The following SEC14L1 variants were observed in gnomAD, a reference collection of about 807,000 sequenced individuals.
SEC14L1 encodes SEC14-like protein 1.
In SEC14L1, 48 loss-of-function variants were observed where a neutral mutation model predicts 85.3. That is an observed-to-expected ratio of 0.56 (90% CI 0.45 to 0.72). The LOEUF is 0.72. SEC14L1 is among the 30% of genes least tolerant of loss of function. SEC14L1 has a pLI of 0.00. For missense variants in SEC14L1, 682 were observed against 921.4 expected (o/e 0.74, Z 3.36); for synonymous variants, 391 against 355.5 (o/e 1.10, Z -1.12).
chr17:77,111,100 G>T (rs1972034492), intron 3 of SEC14L1, among the ~76,000 whole-genome samples: 1 of 151,072 alleles, frequency 6.6e-6, no homozygotes, highest in Non-Finnish European at 1.5e-5. Context: ...AGCTGAGGCA[G>T]AAGGATCGCT....
At chr17:77,099,516 G>T (rs1187351890) in intron 3 of SEC14L1, among the ~76,000 whole-genome samples, 1 of 152,214 alleles carries the variant, frequency 6.6e-6, no homozygotes, top group Non-Finnish European at 1.5e-5. Context: ...AGCACTTTGG[G>T]AGGCCAAGGC....
chr17:77,142,248 A>C (rs1973088502), intron 1 of SEC14L1, among the ~76,000 whole-genome samples: 1 of 152,104 alleles, frequency 6.6e-6, no homozygotes, highest in Non-Finnish European at 1.5e-5. Context: ...TACCAGAGAA[A>C]GTTCCAAACC....
At chr17:77,174,172 G>A (rs1021460980) in intron 3 of SEC14L1, among the ~76,000 whole-genome samples, 2 of 152,098 alleles carry the variant, frequency 1.3e-5, no homozygotes, top group African/African-American at 4.8e-5. Flanking sequence ...GCCTACCTCA[G>A]CCTCCCAAAG....
chr17:77,212,922 C>G (rs534130513), intron 15 of SEC14L1, among the ~76,000 whole-genome samples: 31 of 152,328 alleles, frequency 2.0e-4, no homozygotes, highest in Non-Finnish European at 3.7e-4. Flanking sequence ...GTGCCTTCAG[C>G]CCCGAACATG....
chr17:77,174,795 C>T (rs1974678016), intron 3 of SEC14L1, among the ~76,000 whole-genome samples: 1 of 152,166 alleles, frequency 6.6e-6, no homozygotes, highest in Non-Finnish European at 1.5e-5. Flanking sequence ...CAAAGGATTT[C>T]TCAGCAAGGC....
At chr17:77,143,423 A>C (rs62078293) in intron 2 of SEC14L1, 144 bp from the exon 3 acceptor site, 8,456 of 553,504 alleles carry the variant, frequency 0.015, 117 homozygotes, top group Non-Finnish European at 0.018. Flanking sequence ...TTTAAATATC[A>C]TCTTTTCATT....
rs1972980189 is a variant in SEC14L1 at position 77,140,975 on chromosome 17, T to TC, written c.-264dup. ...CGCCGCGCCCCTTCCCCCTCCCGCC[T>TC]CCCCGGCCCCCTCCCCGGAACCGGC... On this transcript the variant is annotated 5_prime_UTR_variant, in exon 1 of 17. Transcript: ENST00000436233. 6.2e-5 allele frequency: 2 copies of TC among 32,174 alleles called. No individual in the cohort carries two copies. The highest frequency in any genetic ancestry group is 2.5e-4 in the African/African-American group (2 of 8,062). 2.0% of individuals were successfully genotyped at this position (32,174 alleles called of 1,614,324 possible).
At chr17:77,089,053 T>C (rs781126436) in intron 1 of SEC14L1, 23 of 194,738 alleles carry the variant, frequency 1.2e-4, no homozygotes, top group South Asian at 2.5e-4. Context: ...CAGAAAAGCA[T>C]TGGGGTCCCT....
intron 2 of SEC14L1, among the ~76,000 whole-genome samples, chr17:77,092,106 G>T (rs1045997418): frequency 6.6e-6 from 1 of 152,174 alleles, no homozygotes; most frequent in Non-Finnish European, 1.5e-5. Flanking sequence ...ACTACACCTG[G>T]CCTGTTTATG....
intron 3 of SEC14L1, among the ~76,000 whole-genome samples, chr17:77,187,681 T>C (rs1251669712): frequency 6.6e-6 from 1 of 151,990 alleles, no homozygotes; most frequent in Non-Finnish European, 1.5e-5. Context: ...CCCGGCCTTA[T>C]TCTTATTACC....
chr17:77,115,833 A>G (rs1972159637), intron 3 of SEC14L1, among the ~76,000 whole-genome samples: 4 of 152,086 alleles, frequency 2.6e-5, no homozygotes, highest in Admixed American at 2.6e-4. Context: ...AAGAAGACCT[A>G]TATTTAAAAT....
At chr17:77,133,529 A>G (rs1486302787) in intron 3 of SEC14L1, among the ~76,000 whole-genome samples, 1 of 152,118 alleles carries the variant, frequency 6.6e-6, no homozygotes, top group Non-Finnish European at 1.5e-5. Context: ...ACTCTTGGGA[A>G]TCCTGTGCTT....
At position 77,209,407 on chromosome 17, in the gene SEC14L1, C is replaced by G. The variant is rs140278418; in HGVS notation, c.1542C>G (p.Asn514Lys). ...ACCGGACTGCAGAGGAGCTGGAGAACGAAGACCTGAAGCTCTGGACTGAGA... is the reference window on the plus strand; with the variant it reads ...ACCGGACTGCAGAGGAGCTGGAGAAGGAAGACCTGAAGCTCTGGACTGAGA... Reference protein sequence around the residue: ...SLYRTAEELENEDLKLWTETI... With the variant: ...SLYRTAEELEKEDLKLWTETI... Residue 514 changes from asparagine to lysine, a missense_variant, in exon 14 of 17, where the codon AAC becomes AAG. By Grantham distance (94) the Asn-to-Lys change is moderately conservative. Around this residue, in one of 3 missense-constraint regions of SEC14L1, gnomAD observed 420 missense variants for 619.5 expected, o/e 0.68. Transcript: ENST00000436233. 1 of 1,614,152 alleles carries G rather than the reference C, an allele frequency of 6.2e-7. No individual in the cohort carries two copies.
At chr17:77,154,540 T>G (rs1358983491) in intron 3 of SEC14L1, among the ~76,000 whole-genome samples, 1 of 152,140 alleles carries the variant, frequency 6.6e-6, no homozygotes, top group East Asian at 1.9e-4. Context: ...TATCAGGGAC[T>G]GGGGCATCCA....
At chr17:77,120,849 G>A (rs1265045536) in intron 3 of SEC14L1, among the ~76,000 whole-genome samples, 1 of 152,190 alleles carries the variant, frequency 6.6e-6, no homozygotes, top group Non-Finnish European at 1.5e-5. Flanking sequence ...GGGCTCCGAT[G>A]TGTGACTGAG....
rs770319522 is a variant in SEC14L1, at chr17:77,213,304, C to CTTGTT, written c.1864-9_1864-5dup. Reference sequence around the variant, plus strand: ...GTCGCCCTCAGCTGCCACTGCCCTACTTGTTCTAGGGTTCCCATGTGACCA... The same window carrying CTTGTT: ...GTCGCCCTCAGCTGCCACTGCCCTACTTGTTTTGTTCTAGGGTTCCCATGTGACCA... On this transcript the variant is annotated splice_polypyrimidine_tract_variant and intron_variant, in intron 15 of 16. Transcript: ENST00000436233. This position sits in a 1 kb window ranked among gnomAD's most constrained non-coding sequence, Gnocchi z 7.1. 1.9e-6 allele frequency: 3 copies of CTTGTT among 1,597,514 alleles called. No individual in the cohort carries two copies. In the South Asian group the frequency reaches 3.4e-5, roughly 18 times the overall value.
intron 3 of SEC14L1, among the ~76,000 whole-genome samples, chr17:77,150,285 C>T (rs1760895556): frequency 1.3e-5 from 2 of 152,144 alleles, no homozygotes; most frequent in South Asian, 4.1e-4. Context: ...CCTGCTAGGC[C>T]AGTGACTAGT....
intron 9 of SEC14L1, 34 bp from the exon 10 acceptor site, chr17:77,203,536 G>A (rs1314331935): frequency 6.3e-7 from 1 of 1,578,194 alleles, no homozygotes; most frequent in Non-Finnish European, 8.7e-7. Context: ...AACTGGGATG[G>A]TGCTGACAAC....
intron 3 of SEC14L1, among the ~76,000 whole-genome samples, chr17:77,101,350 G>A (rs1182670895): frequency 6.6e-6 from 1 of 151,968 alleles, no homozygotes; most frequent in East Asian, 1.9e-4. Context: ...GCTAATTTTT[G>A]TATTTTTAGT....
Sources: gnomAD v4.1 joint callset for allele counts (sites outside exome capture counted in the v4.1 genomes callset) on GRCh38, gnomAD v4.1.1 for gene constraint, gnomAD v4.1.1 regional missense constraint, Gnocchi (gnomAD v3.1) non-coding constraint, MANE v1.5 for transcripts, NCBI Gene and HGNC (gene_info 2026-07-23, HGNC 2026-07-21) for gene names.